Variants in PTPRD observed in about 807,000 individuals in gnomAD.
The protein encoded by PTPRD is protein tyrosine phosphatase receptor type D, also known as receptor-type tyrosine-protein phosphatase delta.
Under a neutral mutation model 214.5 loss-of-function variants are expected in PTPRD, and 34 were observed. That is an observed-to-expected ratio of 0.16 (90% CI 0.12 to 0.21). The LOEUF is 0.21. PTPRD is among the 10% of genes least tolerant of loss of function. The pLI is 1.00. For synonymous variants in PTPRD, 1,128 were observed against 845.7 expected (o/e 1.33, Z -5.79); for missense variants, 2,545 against 2,398.7 (o/e 1.06, Z -1.27).
chr9:9,382,167 T>A (rs540640951), intron 9 of PTPRD, among the ~76,000 whole-genome samples: 1 of 152,258 alleles, frequency 6.6e-6, no homozygotes, highest in South Asian at 2.1e-4. Flanking sequence ...TTTTCTTAAT[T>A]TTCTTTTTGA....
At chr9:9,370,962 C>T (rs1248952335) in intron 9 of PTPRD, among the ~76,000 whole-genome samples, 2 of 152,002 alleles carry the variant, frequency 1.3e-5, no homozygotes, top group Non-Finnish European at 2.9e-5. Context: ...GGGATGAAGC[C>T]CACTTGATCA....
chr9:9,619,086 A>G (rs752209999), intron 7 of PTPRD, among the ~76,000 whole-genome samples: 2 of 152,186 alleles, frequency 1.3e-5, no homozygotes, highest in Non-Finnish European at 2.9e-5. Flanking sequence ...ATCATTGACT[A>G]GAATAGTGGA....
chr9:8,929,917 G>GTGTA lies in PTPRD; in HGVS notation c.-104+88779_-104+88780insTACA, dbSNP rs1555537748. The stretch of plus-strand genomic sequence containing the variant: ...TATATATGTGTATATATATGTGTGT[G>GTGTA]TATATATATATGTGTATATATATAT... On this transcript the variant is annotated intron_variant, in intron 11 of 45. Transcript: ENST00000381196. 4.8e-3 allele frequency among the ~76,000 whole-genome samples: 382 copies of GTGTA among 79,118 alleles called. 90 individuals are homozygous for GTGTA. Among genetic ancestry groups the GTGTA allele is most frequent in the Non-Finnish European group, 6.5e-3 (265 of 40,914 alleles). The allele number at this position is 79,118 out of a possible 152,430, so 51.9% of individuals were successfully genotyped here. A position where few individuals can be genotyped will look rare whatever the true frequency, so the allele number is the denominator to read the frequency against.
chr9:10,161,869 A>T (rs572654803), intron 3 of PTPRD, among the ~76,000 whole-genome samples: 1 of 152,000 alleles, frequency 6.6e-6, no homozygotes, highest in African/African-American at 2.4e-5. Context: ...ATCTAATTGC[A>T]AAATGGGCAA....
intron 7 of PTPRD, among the ~76,000 whole-genome samples, chr9:9,587,924 T>C (rs2092269754): frequency 6.6e-6 from 1 of 152,010 alleles, no homozygotes; most frequent in Non-Finnish European, 1.5e-5. Context: ...AAATAAGTTT[T>C]AATGTTGGTT....
chr9:9,231,495 T>C (rs73388871), intron 9 of PTPRD, among the ~76,000 whole-genome samples: 11,369 of 152,200 alleles, frequency 0.075, 508 homozygotes, highest in African/African-American at 0.12. Context: ...GATACCCAAA[T>C]TGGACAATTG....
chr9:10,307,000 A>C (rs1330652782), intron 3 of PTPRD, among the ~76,000 whole-genome samples: 1 of 152,152 alleles, frequency 6.6e-6, no homozygotes, highest in Non-Finnish European at 1.5e-5. Context: ...AGATGCATAG[A>C]ATATGTAATA....
chr9:9,337,911 C>G (rs1485661594), intron 9 of PTPRD, among the ~76,000 whole-genome samples: 1 of 152,148 alleles, frequency 6.6e-6, no homozygotes, highest in African/African-American at 2.4e-5. Flanking sequence ...TAATAAAATG[C>G]AACCATAAAA....
intron 9 of PTPRD, among the ~76,000 whole-genome samples, chr9:9,313,795 A>T (rs973087651): frequency 6.6e-6 from 1 of 152,200 alleles, no homozygotes; most frequent in Non-Finnish European, 1.5e-5. Context: ...AATCAATTGG[A>T]ATGGTGCTTA....
intron 11 of PTPRD, among the ~76,000 whole-genome samples, chr9:8,988,790 G>A (rs546862370): frequency 6.6e-6 from 1 of 151,890 alleles, no homozygotes; most frequent in Non-Finnish European, 1.5e-5. Context: ...GGTGTTAGTT[G>A]GAAATTTAAT....
At chr9:8,437,165 A>T (rs1359705577) in intron 34 of PTPRD, 1 of 1,471,908 alleles carries the variant, frequency 6.8e-7, no homozygotes, top group Non-Finnish European at 9.1e-7. Flanking sequence ...TAGTAAACAT[A>T]AAATGACTTA....
At chr9:8,640,298 G>A (rs908015415) in intron 12 of PTPRD, among the ~76,000 whole-genome samples, 5 of 152,084 alleles carry the variant, frequency 3.3e-5, no homozygotes, top group South Asian at 2.1e-4. Context: ...GCAGTGAGCC[G>A]AGATCACGCC....
At chr9:10,399,694 T>C (rs1036424329) in intron 2 of PTPRD, among the ~76,000 whole-genome samples, 8 of 151,936 alleles carry the variant, frequency 5.3e-5, no homozygotes, top group African/African-American at 1.9e-4. Flanking sequence ...ACATCTGAAC[T>C]AGTTTTAAAA....
chr9:8,632,411 C>T (rs1165977823), intron 14 of PTPRD, among the ~76,000 whole-genome samples: 2 of 151,888 alleles, frequency 1.3e-5, no homozygotes, highest in African/African-American at 2.4e-5. Context: ...CTGATTGTTT[C>T]CTTTCCAATT....
At chr9:10,445,614 T>A (rs1215184082) in intron 2 of PTPRD, among the ~76,000 whole-genome samples, 1 of 152,148 alleles carries the variant, frequency 6.6e-6, no homozygotes, top group African/African-American at 2.4e-5. Flanking sequence ...TTGGTTTGCA[T>A]GTCTGGAAGA....
intron 3 of PTPRD, among the ~76,000 whole-genome samples, chr9:10,121,307 T>C (rs1457112398): frequency 1.5e-5 from 2 of 135,218 alleles, no homozygotes; most frequent in East Asian, 1.9e-4. Flanking sequence ...GATTCCAAAG[T>C]TTTTTAGAGT....
At chr9:8,494,327 T>A (rs2097213132) in intron 26 of PTPRD, among the ~76,000 whole-genome samples, 1 of 152,164 alleles carries the variant, frequency 6.6e-6, no homozygotes, top group South Asian at 2.1e-4. Flanking sequence ...AGTTCAGATA[T>A]CATCCTGAAG....
rs114224248 is a variant in PTPRD, at chr9:10,282,457, G to A, written c.-545+58506C>T. Among the ~76,000 whole-genome samples, 226 of 152,122 alleles carry A rather than the reference G, an allele frequency of 1.5e-3. 3 individuals carry two copies. Among genetic ancestry groups the A allele is most frequent in the African/African-American group, 5.0e-3 (208 of 41,528 alleles). On this transcript the variant is annotated intron_variant, in intron 3 of 45. Coordinates refer to ENST00000381196, the MANE Select transcript of PTPRD (RefSeq NM_002839.4). Reference sequence around the variant, plus strand: ...TCAGTCTTCTAATCTATAAAATGTCGAGGTTGAGTTAGATGATTTCCCAGG... The same window carrying A: ...TCAGTCTTCTAATCTATAAAATGTCAAGGTTGAGTTAGATGATTTCCCAGG...
intron 3 of PTPRD, among the ~76,000 whole-genome samples, chr9:10,277,542 G>C (rs969105459): frequency 2.7e-4 from 41 of 151,878 alleles, no homozygotes; most frequent in African/African-American, 9.7e-4. Flanking sequence ...TTTAAGATAA[G>C]CATATAAACT....
Sources: gnomAD v4.1 joint callset for allele counts (sites outside exome capture counted in the v4.1 genomes callset) on GRCh38, gnomAD v4.1.1 for gene constraint, MANE v1.5 for transcripts, NCBI Gene and HGNC (gene_info 2026-07-23, HGNC 2026-07-21) for gene names.